RABGAP1L: variants seen among roughly 807,000 people sequenced by gnomAD.
RABGAP1L encodes rab GTPase-activating protein 1-like.
In RABGAP1L, 63 loss-of-function variants were observed where a neutral mutation model predicts 137.7. That is an observed-to-expected ratio of 0.46 (90% CI 0.37 to 0.56). The LOEUF (loss-of-function observed/expected upper bound fraction) is 0.56. Among genes scored for constraint, RABGAP1L ranks in the 20% least tolerant of loss-of-function variants. The pLI is 0.00. For synonymous variants in RABGAP1L, 431 were observed against 433.7 expected (o/e 0.99, Z 0.08); for missense variants, 1,095 against 1,244.0 (o/e 0.88, Z 1.80).
At chr1:174,896,644 A>G (rs1036974097) in intron 19 of RABGAP1L, among the ~76,000 whole-genome samples, 1 of 152,192 alleles carries the variant, frequency 6.6e-6, no homozygotes, top group Non-Finnish European at 1.5e-5. Context: ...ATCCAGTTTT[A>G]GCTTTCTATG....
chr1:174,555,959 G>A (rs1476696727), intron 13 of RABGAP1L, among the ~76,000 whole-genome samples: 1 of 149,486 alleles, frequency 6.7e-6, no homozygotes, highest in Non-Finnish European at 1.5e-5. Flanking sequence ...GGATCATATA[G>A]TGGGAATGAA....
intron 19 of RABGAP1L, among the ~76,000 whole-genome samples, chr1:174,831,382 G>A (rs1448981114): frequency 6.8e-6 from 1 of 148,044 alleles, no homozygotes; most frequent in Non-Finnish European, 1.5e-5. Context: ...TATTACAATT[G>A]GTTTTTCAGG....
chr1:174,506,798 C>T (rs1012376807), intron 13 of RABGAP1L, among the ~76,000 whole-genome samples: 6 of 151,984 alleles, frequency 3.9e-5, no homozygotes, highest in African/African-American at 1.5e-4. Flanking sequence ...AACCAAAAAC[C>T]ACCTGTTCCC....
At chr1:174,383,509 C>G (rs1054907306) in intron 12 of RABGAP1L, among the ~76,000 whole-genome samples, 4 of 152,254 alleles carry the variant, frequency 2.6e-5, no homozygotes, top group Admixed American at 6.5e-5. Context: ...GTTTTTTAAG[C>G]CGGTCTGGAA....
intron 17 of RABGAP1L, among the ~76,000 whole-genome samples, chr1:174,733,943 A>C (rs1029461719): frequency 6.6e-6 from 1 of 152,158 alleles, no homozygotes; most frequent in African/African-American, 2.4e-5. Context: ...AATGGTAGGA[A>C]GTAGTTGAAT....
Position 174,371,058 on chromosome 1 carries a change from G to A in RABGAP1L, c.1545G>A (p.Glu515=), listed in dbSNP as rs1252613269. ...CPEKILYSWG[E]LLGKWHSNLG... The stretch of plus-strand genomic sequence containing the variant: ...AGAAGATCCTGTATTCTTGGGGAGA[G>A]TTGCTAGGAAAATGGTAAAATTTTA... The change falls in exon 12 of 26, where the codon GAG becomes GAA. Residue 515 remains glutamate (E), a synonymous_variant. Coordinates refer to ENST00000681986, the MANE Select transcript of RABGAP1L (RefSeq NM_001366446.1). 4 of 1,493,628 alleles carry A rather than the reference G, an allele frequency of 2.7e-6. No homozygotes were observed. The Admixed American group carries it at 6.8e-5, about 25-fold the overall frequency. The allele number at this position is 1,493,628 out of a possible 1,614,324, so 92.5% of individuals were successfully genotyped here. A position where few individuals can be genotyped will look rare whatever the true frequency, so the allele number is the denominator to read the frequency against.
At chr1:174,695,473 C>G (rs1159610617) in intron 15 of RABGAP1L, among the ~76,000 whole-genome samples, 1 of 152,002 alleles carries the variant, frequency 6.6e-6, no homozygotes, top group Non-Finnish European at 1.5e-5. Flanking sequence ...TTATTTCAGT[C>G]TTTTTGTTAA....
chr1:174,782,202 G>A (rs1687067380), intron 18 of RABGAP1L, among the ~76,000 whole-genome samples: 2 of 152,170 alleles, frequency 1.3e-5, no homozygotes, highest in Admixed American at 1.3e-4. Context: ...CCCTGAGCAT[G>A]GAATGTTCCT....
intron 12 of RABGAP1L, among the ~76,000 whole-genome samples, chr1:174,386,304 G>A (rs545365510): frequency 1.3e-5 from 2 of 152,192 alleles, no homozygotes; most frequent in Non-Finnish European, 2.9e-5. Context: ...AGAGAACTGA[G>A]GCATAGCTAT....
chr1:174,210,145 C>A (rs1668778729), intron 1 of RABGAP1L, among the ~76,000 whole-genome samples: 1 of 151,980 alleles, frequency 6.6e-6, no homozygotes. Flanking sequence ...ACAAACAAGC[C>A]CAGACTGAGA....
chr1:174,682,142 G>C (rs942647240), intron 14 of RABGAP1L, among the ~76,000 whole-genome samples: 3 of 152,004 alleles, frequency 2.0e-5, no homozygotes, highest in African/African-American at 7.2e-5. Flanking sequence ...TTAGCTGGGT[G>C]TGGTGGTGGG....
intron 8 of RABGAP1L, among the ~76,000 whole-genome samples, chr1:174,274,606 C>CTGTATG (rs1553264759): frequency 6.8e-6 from 1 of 146,058 alleles, no homozygotes; most frequent in Admixed American, 6.8e-5. Flanking sequence ...ACAGGTGACT[C>CTGTATG]TGTGTGTGTG....
At chr1:174,306,582 A>G (rs924142537) in intron 11 of RABGAP1L, among the ~76,000 whole-genome samples, 1 of 152,172 alleles carries the variant, frequency 6.6e-6, no homozygotes, top group African/African-American at 2.4e-5. Flanking sequence ...TCTTATGAGA[A>G]GTTTCAAATG....
intron 13 of RABGAP1L, among the ~76,000 whole-genome samples, chr1:174,511,301 T>C (rs183572541): frequency 2.6e-4 from 39 of 152,340 alleles, no homozygotes; most frequent in Admixed American, 1.0e-3. Flanking sequence ...TGCAGAGATA[T>C]ATGTTTTCAG....
chr1:174,548,505 G>C (rs1454307925), intron 13 of RABGAP1L: 3 of 949,104 alleles, frequency 3.2e-6, no homozygotes, highest in Non-Finnish European at 3.8e-6. Flanking sequence ...TCTCATGGCA[G>C]TGTACAAATG....
intron 19 of RABGAP1L, among the ~76,000 whole-genome samples, chr1:174,879,765 A>G (rs567529185): frequency 6.6e-6 from 1 of 152,192 alleles, no homozygotes; most frequent in African/African-American, 2.4e-5. Context: ...AAAAAGCAAA[A>G]CAGATATAAA....
At chr1:174,713,066 C>T (rs951330701) in intron 17 of RABGAP1L, among the ~76,000 whole-genome samples, 1 of 152,178 alleles carries the variant, frequency 6.6e-6, no homozygotes, top group Non-Finnish European at 1.5e-5. Context: ...GAGCCCTCAC[C>T]AGGAGCCCCA....
intron 13 of RABGAP1L, among the ~76,000 whole-genome samples, chr1:174,425,082 C>A (rs1651797294): frequency 6.6e-6 from 1 of 151,914 alleles, no homozygotes; most frequent in Non-Finnish European, 1.5e-5. Flanking sequence ...TAAACTATAG[C>A]ATTGGGAATC....
chr1:174,533,034 G>A (rs533884499), intron 13 of RABGAP1L, among the ~76,000 whole-genome samples: 28 of 152,084 alleles, frequency 1.8e-4, no homozygotes, highest in Non-Finnish European at 4.0e-4. Context: ...GGAGATCAAG[G>A]CCATCCTGGC....
Sources: gnomAD v4.1 joint callset for allele counts (sites outside exome capture counted in the v4.1 genomes callset) on GRCh38, gnomAD v4.1.1 for gene constraint, MANE v1.5 for transcripts, NCBI Gene and HGNC (gene_info 2026-07-23, HGNC 2026-07-21) for gene names.